GALNT13: variants seen among roughly 807,000 people sequenced by gnomAD.
GALNT13 encodes the protein UDP-GalNAc:polypeptide N-acetylgalactosaminyltransferase 13.
In GALNT13, 28 loss-of-function variants were observed where a neutral mutation model predicts 64.2. The ratio of observed to expected loss-of-function variants is 0.44; its 90% CI spans 0.32 to 0.60. The LOEUF (loss-of-function observed/expected upper bound fraction) is 0.60. GALNT13 is among the 20% of genes least tolerant of loss of function. The probability of loss-of-function intolerance (pLI) is 0.05; values close to 1 mark genes in which losing one functional copy is unlikely to be tolerated. For missense variants in GALNT13, 577 were observed against 669.8 expected, an observed-to-expected ratio of 0.86 and a Z score of 1.53; for synonymous variants, 214 against 224.6, an observed-to-expected ratio of 0.95 and a Z score of 0.42.
chr2:154,350,323 A>G (rs908248537), intron 9 of GALNT13, among the ~76,000 whole-genome samples: 1 of 152,196 alleles, frequency 6.6e-6, no homozygotes, highest in South Asian at 2.1e-4. Flanking sequence ...CAGCTAGAAT[A>G]AAGCAGGCAG....
At chr2:153,845,176 A>C in the GALNT13 span, among the ~76,000 whole-genome samples, 1 of 152,154 alleles carries the variant, frequency 6.6e-6, no homozygotes, top group Non-Finnish European at 1.5e-5. Flanking sequence ...CCGTTTTTCT[A>C]TATTAAGCCA....
the GALNT13 span, among the ~76,000 whole-genome samples, chr2:153,554,684 CTGTG>C: frequency 7.9e-6 from 1 of 127,264 alleles, no homozygotes; most frequent in Non-Finnish European, 1.6e-5. Context: ...GTGTGTGTGT[CTGTG>C]TACGCGCACA....
the GALNT13 span, among the ~76,000 whole-genome samples, chr2:153,126,248 T>C: frequency 2.7e-5 from 4 of 149,532 alleles, no homozygotes; most frequent in South Asian, 8.4e-4. Flanking sequence ...ATTGTATTTG[T>C]ACTATTTTTG....
In GALNT13 at chr2:154,136,823, C is replaced by T. The variant is rs186762808; in HGVS notation, c.143-3514C>T. ...ATTAATCTCTTTTTGAAGTCTACGCCAGCTTTGGTATTTGAACATTTCATC... is the reference window on the plus strand; with the variant it reads ...ATTAATCTCTTTTTGAAGTCTACGCTAGCTTTGGTATTTGAACATTTCATC... On this transcript the variant is annotated intron_variant, in intron 3 of 12. Coordinates refer to ENST00000392825, the MANE Select transcript of GALNT13 (RefSeq NM_052917.4). Among the ~76,000 whole-genome samples, 17 of 152,060 alleles carry T rather than the reference C, an allele frequency of 1.1e-4. No individual in the cohort carries two copies. The East Asian group carries it at 2.9e-3, about 26-fold the overall frequency.
the GALNT13 span, among the ~76,000 whole-genome samples, chr2:153,387,776 A>AT: frequency 6.6e-6 from 1 of 152,170 alleles, no homozygotes; most frequent in South Asian, 2.1e-4. Context: ...ACCAAAGATG[A>AT]TTTTTTGGAA....
At chr2:153,964,100 A>G (rs1487251074) in intron 3 of GALNT13, among the ~76,000 whole-genome samples, 1 of 152,016 alleles carries the variant, frequency 6.6e-6, no homozygotes, top group East Asian at 1.9e-4. Context: ...CCCTCCATTC[A>G]TTCAAAAATA....
the GALNT13 span, among the ~76,000 whole-genome samples, chr2:153,558,389 A>T: frequency 6.6e-6 from 1 of 152,158 alleles, no homozygotes; most frequent in African/African-American, 2.4e-5. Flanking sequence ...TTCACTGAGA[A>T]CAGAGGCAGC....
the GALNT13 span, among the ~76,000 whole-genome samples, chr2:153,646,743 T>A: frequency 6.6e-6 from 1 of 152,166 alleles, no homozygotes; most frequent in Non-Finnish European, 1.5e-5. Flanking sequence ...GATAGTTTGC[T>A]GAGAATGATG....
intron 9 of GALNT13, among the ~76,000 whole-genome samples, chr2:154,381,816 A>C (rs1391028691): frequency 6.6e-6 from 1 of 151,982 alleles, no homozygotes. Context: ...TTACATTTTT[A>C]TTGTATTGAA....
chr2:154,448,633 GAAC>G (rs1701716403), intron 12 of GALNT13, among the ~76,000 whole-genome samples: 1 of 151,926 alleles, frequency 6.6e-6, no homozygotes, highest in African/African-American at 2.4e-5. Context: ...TGTTTAGAAA[GAAC>G]AATAATAACT....
At chr2:153,417,547 T>C in the GALNT13 span, among the ~76,000 whole-genome samples, 3 of 152,202 alleles carry the variant, frequency 2.0e-5, no homozygotes, top group Admixed American at 6.5e-5. Flanking sequence ...TAATTTGTTT[T>C]TGAATATGTC....
At chr2:153,787,426 GA>G in the GALNT13 span, among the ~76,000 whole-genome samples, 2 of 152,156 alleles carry the variant, frequency 1.3e-5, no homozygotes, top group Non-Finnish European at 2.9e-5. Flanking sequence ...TGAAGATTCA[GA>G]AAATAAGCCT....
At chr2:153,586,248 T>G in the GALNT13 span, among the ~76,000 whole-genome samples, 1 of 152,132 alleles carries the variant, frequency 6.6e-6, no homozygotes, top group Non-Finnish European at 1.5e-5. Flanking sequence ...TTAAAAGATA[T>G]AAATTGATTG....
chr2:153,433,867 T>C, the GALNT13 span, among the ~76,000 whole-genome samples: 2 of 152,160 alleles, frequency 1.3e-5, no homozygotes, highest in African/African-American at 4.8e-5. Context: ...TTAGGGTACA[T>C]GTGCACCACG....
chr2:153,958,066 C>T (rs1468815495), intron 3 of GALNT13, among the ~76,000 whole-genome samples: 1 of 152,176 alleles, frequency 6.6e-6, no homozygotes, highest in African/African-American at 2.4e-5. Context: ...ACAGGTTTGA[C>T]TTTAGATGCT....
At chr2:153,999,162 A>G (rs1217241173) in intron 3 of GALNT13, among the ~76,000 whole-genome samples, 1 of 152,176 alleles carries the variant, frequency 6.6e-6, no homozygotes, top group Non-Finnish European at 1.5e-5. Context: ...CTACAAGTTT[A>G]CAGTAAGTAA....
the GALNT13 span, among the ~76,000 whole-genome samples, chr2:153,340,663 A>G: frequency 6.6e-6 from 1 of 152,138 alleles, no homozygotes; most frequent in Non-Finnish European, 1.5e-5. Context: ...TCAGAAAAAA[A>G]AAAAAGTGGT....
At chr2:153,553,395 A>C in the GALNT13 span, among the ~76,000 whole-genome samples, 9 of 151,964 alleles carry the variant, frequency 5.9e-5, no homozygotes, top group Admixed American at 5.9e-4. Context: ...CCAGCTACTC[A>C]GGAGGCTGAG....
intron 9 of GALNT13, among the ~76,000 whole-genome samples, chr2:154,324,901 G>A (rs1278405507): frequency 6.6e-6 from 1 of 152,134 alleles, no homozygotes; most frequent in Non-Finnish European, 1.5e-5. Context: ...AGAAGCTCCA[G>A]AAGTAGTATG....
Sources: gnomAD v4.1 joint callset for allele counts (sites outside exome capture counted in the v4.1 genomes callset) on GRCh38, gnomAD v4.1.1 for gene constraint, MANE v1.5 for transcripts, NCBI Gene and HGNC (gene_info 2026-07-23, HGNC 2026-07-21) for gene names.